FAM187B: variants seen among roughly 807,000 people sequenced by gnomAD.
FAM187B encodes family with sequence similarity 187 member B, also known as protein FAM187B.
Under a neutral mutation model 22.6 loss-of-function variants are expected in FAM187B, and 22 were observed. The ratio of observed to expected loss-of-function variants is 0.97; its 90% CI spans 0.70 to 1.39. The LOEUF is 1.39. FAM187B is among the 40% of genes most tolerant of loss of function. The pLI is 0.00. For synonymous variants in FAM187B, 192 were observed against 201.8 expected (o/e 0.95, Z 0.41); for missense variants, 433 against 462.1 (o/e 0.94, Z 0.58).
At chr19:35,225,253 G>C (rs1394969613) in intron 1 of FAM187B, 41 bp from the exon 2 acceptor site, 33 of 1,449,770 alleles carry the variant, frequency 2.3e-5, no homozygotes, top group Non-Finnish European at 3.0e-5. Flanking sequence ...CAGGGAGAAA[G>C]GAGGGACCGA....
At chr19:35,226,202 G>A (rs2065661185) in intron 1 of FAM187B, among the ~76,000 whole-genome samples, 1 of 152,028 alleles carries the variant, frequency 6.6e-6, no homozygotes, top group African/African-American at 2.4e-5. Flanking sequence ...AGTGGCTCAG[G>A]TTTGTAATCC....
At position 35,225,337 on chromosome 19, in the gene FAM187B, G is replaced by A. The variant is rs373512358; in HGVS notation, c.723-125C>T. 3.8e-5 allele frequency: 46 copies of A among 1,207,494 alleles called. No homozygotes were observed. In the East Asian group the frequency reaches 5.0e-4, roughly 13 times the overall value. 74.8% of individuals were successfully genotyped at this position (1,207,494 alleles called of 1,614,324 possible). ...GCCACCCCCCACGGAGCACTGTGCAGCCGTCAACAGTGGGGTGGAGGAGGC... is the reference window on the plus strand; with the variant it reads ...GCCACCCCCCACGGAGCACTGTGCAACCGTCAACAGTGGGGTGGAGGAGGC... On this transcript the variant is annotated intron_variant, in intron 1 of 1. Transcript: ENST00000324675.
Position 35,228,011 on chromosome 19 carries a change from CG to C in FAM187B, c.669del (p.Asp224MetfsTer13). 4.3e-6 allele frequency: 7 copies of C among 1,614,012 alleles called. No homozygotes were observed. The highest frequency in any genetic ancestry group is 5.1e-6 in the Non-Finnish European group (6 of 1,179,896). ...AGCCACACAAATTCTGTCTTCTCAT[CG>C]AGCCTGAAGTTGTCAAAAATGACGT... ...VDYVIFDNFR[L>X]DEKTEFVWLD... On this transcript the variant is annotated frameshift_variant, in exon 1 of 2. Coordinates refer to ENST00000324675, the MANE Select transcript of FAM187B (RefSeq NM_152481.2). LOFTEE classifies it high-confidence loss of function.
rs749277354 is a variant in FAM187B, at chr19:35,228,272, T to C, written c.409A>G (p.Ser137Gly). Residue 137 changes from serine (S) to glycine (G), a missense_variant, in exon 1 of 2, where the codon AGC (serine) becomes GGC (glycine). Transcript: ENST00000324675. ...CACCAGGTAAAAATGAGCTGTTTGC[T>C]GCCCAAATGCAGGGTCTCGTTCTGC... Reference protein sequence around the residue: ...PLQNETLHLGSKQLIFTWWEP... With the variant: ...PLQNETLHLGGKQLIFTWWEP... 6 of 1,614,120 alleles carry C rather than the reference T, an allele frequency of 3.7e-6. No homozygotes were observed. Among genetic ancestry groups the C allele is most frequent in the Non-Finnish European group, 5.1e-6 (6 of 1,180,050 alleles).
In FAM187B at chr19:35,224,900, G is replaced by A. The variant is rs1351858643; in HGVS notation, c.1035C>T (p.Ala345=). ...KLVLLVVTVL[A]LLGALLKCIH... is the part of the protein sequence containing the mutation. Reference sequence around the variant, plus strand: ...TGCACTTGAGCAGCGCCCCCAGCAGGGCCAGGACGGTGACCACGAGCAGCA... The same window carrying A: ...TGCACTTGAGCAGCGCCCCCAGCAGAGCCAGGACGGTGACCACGAGCAGCA... The change falls in exon 2 of 2, where the codon GCC becomes GCT. Residue 345 remains alanine (A), a synonymous_variant. Transcript: ENST00000324675. 6.2e-7 allele frequency: 1 copy of A among 1,613,826 alleles called. No individual in the cohort carries two copies.
Position 35,224,964 on chromosome 19 carries a change from C to G in FAM187B, c.971G>C (p.Arg324Pro), listed in dbSNP as rs527754765. 6.2e-7 allele frequency: 1 copy of G among 1,613,800 alleles called. No individual in the cohort carries two copies. The highest frequency in any genetic ancestry group is 8.5e-7 in the Non-Finnish European group (1 of 1,179,978). The change falls in exon 2 of 2, where the codon CGG becomes CCG. Residue 324 changes from arginine to proline, a missense_variant. By Grantham distance (103) the Arg-to-Pro change is moderately radical (BLOSUM62 -2). Coordinates refer to ENST00000324675, the MANE Select transcript of FAM187B (RefSeq NM_152481.2). ...AQWREARKAL[R>P]GRADSVLKGL... ...CTTGAGCACGGAGTCCGCCCTGCCC[C>G]GCAGGGCCTTCCTTGCCTCCCGCCA... is the stretch of plus-strand genomic sequence containing the variant.
rs2065655993 is a variant in FAM187B at position 35,224,803 on chromosome 19, G to A, written c.*22C>T. On this transcript the variant is annotated 3_prime_UTR_variant, in exon 2 of 2. Transcript: ENST00000324675. Reference sequence around the variant, plus strand: ...TAAGAGAGAACCGGAGGCCGGGTCCGCTTGTGCACCGGGGGCTCGCTTTAT... The same window carrying A: ...TAAGAGAGAACCGGAGGCCGGGTCCACTTGTGCACCGGGGGCTCGCTTTAT... 12 of 1,582,102 alleles carry A rather than the reference G, an allele frequency of 7.6e-6. No homozygotes were observed. Among genetic ancestry groups the A allele is most frequent in the Non-Finnish European group, 1.0e-5 (12 of 1,162,368 alleles).
At chr19:35,226,161 G>A (rs1261022889) in intron 1 of FAM187B, among the ~76,000 whole-genome samples, 2 of 151,788 alleles carry the variant, frequency 1.3e-5, no homozygotes, top group Admixed American at 6.6e-5. Flanking sequence ...TTCCTGCTCC[G>A]TCACCATCCA....
rs144892283 is a variant in FAM187B, at chr19:35,225,027, T to C, written c.908A>G (p.Glu303Gly). The C allele has an allele frequency of 1.4e-3, 2,226 of 1,613,610 alleles. 4 individuals are homozygous for C. Among genetic ancestry groups the C allele is most frequent in the Non-Finnish European group, 1.6e-3 (1,859 of 1,179,748 alleles). ...CTCTCTCCACTGAGCCTCCAGCGTC[T>C]CCAGACTGGCGGCGGGTTTGAACTG... ...VAQFKPAASL[E>G]TLEAQWREND... Residue 303 changes from glutamate (E) to glycine (G), a missense_variant, in exon 2 of 2, where the codon GAG becomes GGG. Glu to Gly is a moderately conservative substitution (Grantham distance 98). Transcript: ENST00000324675.
At chr19:35,226,377 CACCTG>C (rs1256816962) in intron 1 of FAM187B, among the ~76,000 whole-genome samples, 2 of 152,068 alleles carry the variant, frequency 1.3e-5, no homozygotes, top group African/African-American at 2.4e-5. Flanking sequence ...ATGGGAGAAT[CACCTG>C]AGCCCGGGGA....
At position 35,228,412 on chromosome 19, in the gene FAM187B, G is replaced by A. The variant is rs199499173; in HGVS notation, c.269C>T (p.Thr90Met). The A allele has an allele frequency of 5.1e-4, 831 of 1,613,926 alleles. 1 individual carries two copies. The highest frequency in any genetic ancestry group is 6.0e-4 in the Non-Finnish European group (709 of 1,180,044). Residue 90 changes from threonine (T) to methionine (M), a missense_variant, in exon 1 of 2, where the codon ACG (threonine) becomes ATG (methionine). Physicochemically the swap from Thr to Met is moderately conservative, Grantham distance 81. Coordinates refer to ENST00000324675, the MANE Select transcript of FAM187B (RefSeq NM_152481.2). Reference sequence around the variant, plus strand: ...CTTGTTCCAGCAGTGGTAGAGGCCCGTCTGGGAGGGCAATGGATCTTTAAT... The same window carrying A: ...CTTGTTCCAGCAGTGGTAGAGGCCCATCTGGGAGGGCAATGGATCTTTAAT... Reference protein sequence around the residue: ...LLIKDPLPSQTGLYHCWNKNG... With the variant: ...LLIKDPLPSQMGLYHCWNKNG...
chr19:35,225,319 C>A (rs1055767839), intron 1 of FAM187B, 107 bp from the exon 2 acceptor site: 4 of 1,340,062 alleles, frequency 3.0e-6, no homozygotes, highest in East Asian at 5.2e-5. Context: ...CTCGCCACCC[C>A]CCACGGAGCA....
chr19:35,226,841 A>G (rs1273716098), intron 1 of FAM187B, among the ~76,000 whole-genome samples: 2 of 152,234 alleles, frequency 1.3e-5, no homozygotes, highest in African/African-American at 4.8e-5. Flanking sequence ...CGCAAAATGC[A>G]TGTCCTTCCC....
intron 1 of FAM187B, among the ~76,000 whole-genome samples, chr19:35,226,716 T>G (rs1327082554): frequency 6.6e-6 from 1 of 152,146 alleles, no homozygotes; most frequent in Non-Finnish European, 1.5e-5. Flanking sequence ...TTGTGGAACT[T>G]CTTATTGGAT....
At position 35,228,249 on chromosome 19, in the gene FAM187B, C is replaced by T. The variant is rs2065668021; in HGVS notation, c.432G>A (p.Trp144Ter). The change falls in exon 1 of 2, where the codon TGG becomes TGA. Residue 144 changes from tryptophan (W) to a stop codon, truncating the protein, a stop_gained. Transcript: ENST00000324675. LOFTEE classifies it high-confidence loss of function. Reference protein sequence around the residue: ...HLGSKQLIFTWWEPWQDCNRC... With the variant: ...HLGSKQLIFT ...GGTTGCAGTCCTGCCAGGGCTCCCA[C>T]CAGGTAAAAATGAGCTGTTTGCTGC... The T allele has an allele frequency of 6.2e-7, 1 of 1,614,106 alleles. No homozygotes were observed. The highest frequency in any genetic ancestry group is 8.5e-7 in the Non-Finnish European group (1 of 1,180,048).
rs747932026 is a variant in FAM187B, at chr19:35,228,423, CAATGG to C, written c.253_257del (p.Pro85AlafsTer21). 17 of 1,614,002 alleles carry C rather than the reference CAATGG, an allele frequency of 1.1e-5. No individual in the cohort carries two copies. The African/African-American group carries it at 1.7e-4, about 16-fold the overall frequency. ...AGTGGTAGAGGCCCGTCTGGGAGGG[CAATGG>C]ATCTTTAATGAGAAGGCTGCCCTCG... On this transcript the variant is annotated frameshift_variant, in exon 1 of 2. Coordinates refer to ENST00000324675, the MANE Select transcript of FAM187B (RefSeq NM_152481.2). LOFTEE classifies it high-confidence loss of function.
At chr19:35,227,913 T>C in intron 1 of FAM187B, 46 bp downstream of exon 1, 1 of 1,561,318 alleles carries the variant, frequency 6.4e-7, no homozygotes, top group Non-Finnish European at 8.7e-7. Flanking sequence ...AAGGATCCCC[T>C]GACCGGAAGA....
At chr19:35,226,003 G>A (rs778981028) in intron 1 of FAM187B, among the ~76,000 whole-genome samples, 2 of 152,060 alleles carry the variant, frequency 1.3e-5, no homozygotes, top group Non-Finnish European at 2.9e-5. Flanking sequence ...CCTCTGACAT[G>A]CTGGGTGCAG....
intron 1 of FAM187B, 46 bp from the exon 2 acceptor site, chr19:35,225,258 G>C: frequency 6.9e-7 from 1 of 1,445,484 alleles, no homozygotes; most frequent in Non-Finnish European, 9.1e-7. Context: ...AGAAAGGAGG[G>C]ACCGACGTCT....
Sources: gnomAD v4.1 joint callset for allele counts (sites outside exome capture counted in the v4.1 genomes callset) on GRCh38, gnomAD v4.1.1 for gene constraint, MANE v1.5 for transcripts, NCBI Gene and HGNC (gene_info 2026-07-23, HGNC 2026-07-21) for gene names.